The following ZMAT4 variants were observed in gnomAD, a reference collection of about 807,000 sequenced individuals.
ZMAT4 encodes zinc finger matrin-type protein 4.
In ZMAT4, 17 loss-of-function variants were observed where a neutral mutation model predicts 28.7. The observed-to-expected ratio is 0.59, with a 90% CI of 0.41 to 0.89. The LOEUF (loss-of-function observed/expected upper bound fraction) is 0.89. ZMAT4 is among the 40% of genes least tolerant of loss of function. The probability of loss-of-function intolerance (pLI) is 0.00; values close to 1 mark genes in which losing one functional copy is unlikely to be tolerated. For missense variants in ZMAT4, 240 were observed against 283.8 expected, an observed-to-expected ratio of 0.85 and a Z score of 1.11; for synonymous variants, 117 against 109.2, an observed-to-expected ratio of 1.07 and a Z score of -0.44.
At chr8:40,668,497 A>C (rs1808535710) in intron 5 of ZMAT4, among the ~76,000 whole-genome samples, 2 of 151,696 alleles carry the variant, frequency 1.3e-5, no homozygotes, top group South Asian at 4.2e-4. Context: ...GAAAAGAAAA[A>C]AGAAAAAAAA....
intron 3 of ZMAT4, among the ~76,000 whole-genome samples, chr8:40,730,414 T>C (rs1451434147): frequency 1.3e-5 from 2 of 152,238 alleles, no homozygotes; most frequent in Admixed American, 6.5e-5. Context: ...AGCATGTCTG[T>C]TGGGATTCCA....
At chr8:40,545,114 T>G (rs1803158919) in intron 6 of ZMAT4, among the ~76,000 whole-genome samples, 1 of 152,174 alleles carries the variant, frequency 6.6e-6, no homozygotes, top group African/African-American at 2.4e-5. Context: ...CAACAGGAAC[T>G]GAGACCCTCA....
intron 3 of ZMAT4, among the ~76,000 whole-genome samples, chr8:40,712,484 T>C (rs1339720766): frequency 6.6e-6 from 1 of 152,250 alleles, no homozygotes; most frequent in Non-Finnish European, 1.5e-5. Context: ...CTTTAGCACA[T>C]GCTATCACAT....
At chr8:40,649,016 C>A (rs1226472352) in intron 5 of ZMAT4, among the ~76,000 whole-genome samples, 32 of 144,524 alleles carry the variant, frequency 2.2e-4, no homozygotes, top group African/African-American at 7.5e-4. Flanking sequence ...ACTGCATCAA[C>A]TAACGAGCAA....
At chr8:40,574,487 C>G (rs1453649169) in intron 6 of ZMAT4, among the ~76,000 whole-genome samples, 1 of 152,036 alleles carries the variant, frequency 6.6e-6, no homozygotes, top group South Asian at 2.1e-4. Context: ...AATATGCAGA[C>G]AGAATATAAG....
chr8:40,783,271 A>T (rs1813919611), intron 2 of ZMAT4, among the ~76,000 whole-genome samples: 1 of 152,248 alleles, frequency 6.6e-6, no homozygotes, highest in Non-Finnish European at 1.5e-5. Flanking sequence ...TATGCCTTGA[A>T]ATATTACACT....
At chr8:40,875,450 G>C (rs908849273) in intron 1 of ZMAT4, among the ~76,000 whole-genome samples, 2 of 152,130 alleles carry the variant, frequency 1.3e-5, no homozygotes, top group Non-Finnish European at 2.9e-5. Flanking sequence ...AATAAGCATG[G>C]GTGCAAAAGG....
chr8:40,612,813 T>G (rs1238204197), intron 5 of ZMAT4, among the ~76,000 whole-genome samples: 4 of 49,328 alleles, frequency 8.1e-5, no homozygotes, highest in African/African-American at 4.3e-4. Flanking sequence ...TGGTTTTTGT[T>G]TTTTTTTTTT....
intron 3 of ZMAT4, among the ~76,000 whole-genome samples, chr8:40,713,757 A>C (rs1190041041): frequency 3.3e-5 from 5 of 151,854 alleles, no homozygotes; most frequent in Non-Finnish European, 7.4e-5. Flanking sequence ...AAAAACACAA[A>C]AATTAGCCTG....
At chr8:40,713,666 T>C (rs1458811539) in intron 3 of ZMAT4, among the ~76,000 whole-genome samples, 2 of 151,812 alleles carry the variant, frequency 1.3e-5, no homozygotes, top group African/African-American at 4.8e-5. Flanking sequence ...CCCAGCACTT[T>C]GGGAGGCGGA....
intron 5 of ZMAT4, among the ~76,000 whole-genome samples, chr8:40,617,356 G>A (rs942440195): frequency 4.6e-5 from 7 of 152,154 alleles, no homozygotes; most frequent in East Asian, 3.9e-4. Flanking sequence ...CAAGGCTAGG[G>A]CCTATGCAGG....
At chr8:40,779,878 G>A (rs1053155560) in intron 2 of ZMAT4, among the ~76,000 whole-genome samples, 1 of 152,136 alleles carries the variant, frequency 6.6e-6, no homozygotes, top group African/African-American at 2.4e-5. Context: ...TAGTCTCAAG[G>A]CCAACCCGCC....
At chr8:40,637,621 T>C (rs575554785) in intron 5 of ZMAT4, among the ~76,000 whole-genome samples, 16 of 152,280 alleles carry the variant, frequency 1.1e-4, no homozygotes, top group African/African-American at 3.6e-4. Flanking sequence ...TTTGCTGCAA[T>C]AGAAGCTACA....
At chr8:40,889,192 G>A (rs1040420008) in intron 1 of ZMAT4, among the ~76,000 whole-genome samples, 3 of 152,216 alleles carry the variant, frequency 2.0e-5, no homozygotes, top group African/African-American at 4.8e-5. Context: ...GGAATGCAGC[G>A]AAGAGGAAGG....
At chr8:40,881,528 C>CAGAA (rs201960642) in intron 1 of ZMAT4, among the ~76,000 whole-genome samples, 2,084 of 51,558 alleles carry the variant, frequency 0.04, 68 homozygotes, top group Middle Eastern at 0.05. Flanking sequence ...GAGAGAGAGA[C>CAGAA]AGAAAGAAAG....
chr8:40,712,217 T>C (rs1031274355), intron 3 of ZMAT4, among the ~76,000 whole-genome samples: 3 of 152,150 alleles, frequency 2.0e-5, no homozygotes, highest in African/African-American at 7.2e-5. Context: ...AAGGCAGTCT[T>C]GAGAATTAAA....
intron 6 of ZMAT4, among the ~76,000 whole-genome samples, chr8:40,569,675 A>G (rs1222844386): frequency 6.6e-6 from 1 of 152,118 alleles, no homozygotes; most frequent in African/African-American, 2.4e-5. Flanking sequence ...TCTCCCTGTA[A>G]AACCGACTTT....
chr8:40,829,406 A>G (rs1816194331), intron 1 of ZMAT4, among the ~76,000 whole-genome samples: 1 of 152,204 alleles, frequency 6.6e-6, no homozygotes. Context: ...GTACTAGAGC[A>G]GGGAGTCTGG....
rs557534680 is a variant in ZMAT4, at chr8:40,748,021, G to T, written c.192+19620C>A. On this transcript the variant is annotated intron_variant, in intron 3 of 6. Transcript: ENST00000297737. ...CAGTGCTTATAGACAAAGCTATAAT[G>T]ACTATCTAAAATTATATGGAGGATA... 1.3e-4 allele frequency among the ~76,000 whole-genome samples: 20 copies of T among 152,190 alleles called. No individual in the cohort carries two copies. In the East Asian group the frequency reaches 3.9e-3, roughly 29 times the overall value.
Sources: allele counts gnomAD v4.1 joint callset (sites outside exome capture counted in the v4.1 genomes callset), GRCh38; gene constraint gnomAD v4.1.1; transcripts MANE v1.5; gene names NCBI Gene and HGNC (gene_info 2026-07-23, HGNC 2026-07-21).